Variants in WDR33 observed in about 807,000 individuals in gnomAD.
WDR33 encodes the protein pre-mRNA 3' end processing protein WDR33.
A neutral mutation model predicts 164.9 loss-of-function variants in WDR33; 47 were observed. The observed-to-expected ratio is 0.29, with a 90% confidence interval of 0.23 to 0.36. The LOEUF (loss-of-function observed/expected upper bound fraction) is 0.36, where lower values mean the gene tolerates loss of function less well. Among genes scored for constraint, WDR33 ranks in the 10% least tolerant of loss-of-function variants. The probability of loss-of-function intolerance (pLI) is 1.00; values close to 1 mark genes in which losing one functional copy is unlikely to be tolerated. For missense variants in WDR33, 1,137 were observed against 1,754.1 expected, an observed-to-expected ratio of 0.65 and a Z score of 6.28; for synonymous variants, 505 against 589.0, an observed-to-expected ratio of 0.86 and a Z score of 2.06.
At chr2:127,804,243 C>T (rs1689357134) in intron 1 of WDR33, among the ~76,000 whole-genome samples, 1 of 152,076 alleles carries the variant, frequency 6.6e-6, no homozygotes, top group Non-Finnish European at 1.5e-5. Context: ...ATGGCGTGAA[C>T]CCGGGAGGCG....
intron 4 of WDR33, 25 bp downstream of exon 4, chr2:127,768,164 C>A: frequency 7.0e-7 from 1 of 1,422,138 alleles, no homozygotes; most frequent in South Asian, 1.5e-5. Context: ...TAATTTTCCC[C>A]CAAAATATCC....
intron 7 of WDR33, among the ~76,000 whole-genome samples, chr2:127,747,907 C>T (rs1168069386): frequency 6.6e-6 from 1 of 152,182 alleles, no homozygotes; most frequent in Non-Finnish European, 1.5e-5. Context: ...CTGACATGTA[C>T]AGCTTAAACA....
chr2:127,752,533 T>C (rs1359298239), intron 7 of WDR33, among the ~76,000 whole-genome samples: 3 of 137,904 alleles, frequency 2.2e-5, no homozygotes, highest in African/African-American at 8.4e-5. Context: ...GAGCTTGCAG[T>C]GAGCCGAGAT....
In WDR33 at chr2:127,709,175, C is replaced by T. The variant is rs1686090410; in HGVS notation, c.3566-283G>A. On this transcript the variant is annotated intron_variant, in intron 20 of 21. Transcript: ENST00000322313. The surrounding 1 kb of genome is among the most constrained non-coding windows in gnomAD (Gnocchi z 5.0). Reference sequence around the variant, plus strand: ...GAGATTTTGTTAATGAGAGTTGTAACTGCGAATATTTACCATATTAGCAAT... The same window carrying T: ...GAGATTTTGTTAATGAGAGTTGTAATTGCGAATATTTACCATATTAGCAAT... 6.6e-6 allele frequency among the ~76,000 whole-genome samples: 1 copy of T among 152,200 alleles called. No homozygotes were observed. Among genetic ancestry groups the T allele is most frequent in the South Asian group, 2.1e-4 (1 of 4,834 alleles).
rs141117454 is a variant in WDR33 at position 127,773,833 on chromosome 2, G to A, written c.-23-2829C>T. ...GGCTGGAGTGCAGTGGTGCGATCTC[G>A]GCTCACTGCAATCTCTGCCTCCCAC... On this transcript the variant is annotated intron_variant, in intron 1 of 21. Coordinates refer to ENST00000322313, the MANE Select transcript of WDR33 (RefSeq NM_018383.5). Among the ~76,000 whole-genome samples, 1,101 of 152,078 alleles carry A rather than the reference G, an allele frequency of 7.2e-3. 5 individuals carry two copies. The highest frequency in any genetic ancestry group is 8.8e-3 in the Non-Finnish European group (600 of 67,980).
At chr2:127,756,864 C>T (rs1218355410) in intron 7 of WDR33, among the ~76,000 whole-genome samples, 1 of 151,984 alleles carries the variant, frequency 6.6e-6, no homozygotes, top group Non-Finnish European at 1.5e-5. Context: ...GGCAGATCAC[C>T]TGAGATCAAG....
chr2:127,796,013 T>C (rs989252420), intron 1 of WDR33, among the ~76,000 whole-genome samples: 1 of 151,880 alleles, frequency 6.6e-6, no homozygotes, highest in Non-Finnish European at 1.5e-5. Context: ...GTATACATAA[T>C]AGATTTACCT....
In WDR33 at chr2:127,722,079, A is replaced by G. The variant is rs1218438298; in HGVS notation, c.1519-91T>C. 22 of 1,432,682 alleles carry G rather than the reference A, an allele frequency of 1.5e-5. 1 individual carries two copies. In the East Asian group the frequency reaches 4.5e-4, roughly 29 times the overall value. 88.7% of individuals were successfully genotyped at this position (1,432,682 alleles called of 1,614,324 possible). The stretch of plus-strand genomic sequence containing the variant: ...ACCACTCTACAATGTCATCTGCTCA[A>G]TCTAACCTCTGAACCGATTTTATTT... On this transcript the variant is annotated intron_variant, in intron 14 of 21. Transcript: ENST00000322313. This position sits in a 1 kb window ranked among gnomAD's most constrained non-coding sequence, Gnocchi z 5.1.
Position 127,708,662 on chromosome 2 carries a change from C to A in WDR33, c.3781+15G>T. ...CCTGCATCTCCTGGAACCATAACCACTGGCCTGCTCTTACCTTTGCCTCCT... is the reference window on the plus strand; with the variant it reads ...CCTGCATCTCCTGGAACCATAACCAATGGCCTGCTCTTACCTTTGCCTCCT... On this transcript the variant is annotated intron_variant, in intron 21 of 21. Transcript: ENST00000322313. The surrounding 1 kb of genome is among the most constrained non-coding windows in gnomAD (Gnocchi z 6.7). 6.3e-7 allele frequency: 1 copy of A among 1,574,854 alleles called. No individual in the cohort carries two copies. The highest frequency in any genetic ancestry group is 8.6e-7 in the Non-Finnish European group (1 of 1,159,142).
At chr2:127,806,697 A>C (rs1377223018) in intron 1 of WDR33, among the ~76,000 whole-genome samples, 2 of 149,406 alleles carry the variant, frequency 1.3e-5, no homozygotes, top group Non-Finnish European at 3.0e-5. Context: ...ACTCATTCGA[A>C]AAAAAAAAAA....
rs754021047 is a variant in WDR33 at position 127,705,932 on chromosome 2, G to A, written c.*391C>T. Reference sequence around the variant, plus strand: ...CAACTAGTTTTCTGTCAATTCTTGCGTAAATCACATTCTGTATTCATACAA... The same window carrying A: ...CAACTAGTTTTCTGTCAATTCTTGCATAAATCACATTCTGTATTCATACAA... On this transcript the variant is annotated 3_prime_UTR_variant, in exon 22 of 22. Transcript: ENST00000322313. The surrounding 1 kb of genome is among the most constrained non-coding windows in gnomAD (Gnocchi z 4.5). The A allele has an allele frequency of 2.6e-4, 47 of 181,276 alleles. No individual in the cohort carries two copies. Among genetic ancestry groups the A allele is most frequent in the Admixed American group, 5.6e-4 (9 of 16,086 alleles). The allele number at this position is 181,276 out of a possible 1,614,324, so 11.2% of individuals were successfully genotyped here. A position where few individuals can be genotyped will look rare whatever the true frequency, so the allele number is the denominator to read the frequency against.
chr2:127,764,453 G>A lies in WDR33; in HGVS notation c.626+375C>T. On this transcript the variant is annotated intron_variant, in intron 6 of 21. Coordinates refer to ENST00000322313, the MANE Select transcript of WDR33 (RefSeq NM_018383.5). This position sits in a 1 kb window ranked among gnomAD's most constrained non-coding sequence, Gnocchi z 6.2. The stretch of plus-strand genomic sequence containing the variant: ...CTGAAGTTGTTTTCTGTAGGCTTTA[G>A]ATTTTATTCAGTTGCATAATTAAAG... The A allele has an allele frequency of 6.9e-7, 1 of 1,456,878 alleles. No homozygotes were observed. Among genetic ancestry groups the A allele is most frequent in the Non-Finnish European group, 9.0e-7 (1 of 1,106,942 alleles). 90.2% of individuals were successfully genotyped at this position (1,456,878 alleles called of 1,614,324 possible).
Position 127,719,758 on chromosome 2 carries a change from T to C in WDR33, c.2267A>G (p.His756Arg). Residue 756 changes from histidine to arginine, a missense_variant, in exon 16 of 22, where the codon CAT becomes CGT. His to Arg is a conservative substitution (Grantham distance 29, BLOSUM62 0). This residue lies in a region of WDR33 where 867 missense variants were observed against 1,073.0 expected (regional missense o/e 0.81). Transcript: ENST00000322313. The surrounding 1 kb of genome is among the most constrained non-coding windows in gnomAD (Gnocchi z 6.5). Reference protein sequence around the residue: ...PRGMQGPPHPHGIQGGPGSQG... With the variant: ...PRGMQGPPHPRGIQGGPGSQG... Reference sequence around the variant, plus strand: ...AGACCCTGGTCCGCCTTGGATCCCATGAGGATGAGGAGGCCCTTGCATTCC... The same window carrying C: ...AGACCCTGGTCCGCCTTGGATCCCACGAGGATGAGGAGGCCCTTGCATTCC... 6.2e-7 allele frequency: 1 copy of C among 1,613,888 alleles called. No homozygotes were observed.
Position 127,712,670 on chromosome 2 carries a change from A to T in WDR33, c.3308+913T>A, listed in dbSNP as rs907368930. On this transcript the variant is annotated intron_variant, in intron 18 of 21. Transcript: ENST00000322313. This position sits in a 1 kb window ranked among gnomAD's most constrained non-coding sequence, Gnocchi z 4.0. ...AATTCCTCAATTTAAATGAGGTAAC[A>T]ACATCTGATACAAAATACTCAATTA... Among the ~76,000 whole-genome samples the T allele has an allele frequency of 6.6e-6, 1 of 152,254 alleles. No homozygotes were observed. Among genetic ancestry groups the T allele is most frequent in the African/African-American group, 2.4e-5 (1 of 41,464 alleles).
At chr2:127,765,963 G>T (rs1024101378) in intron 4 of WDR33, among the ~76,000 whole-genome samples, 10 of 152,124 alleles carry the variant, frequency 6.6e-5, no homozygotes, top group Non-Finnish European at 1.5e-4. Context: ...TTCAGGGAAT[G>T]ACTATGCCAA....
rs773059329 is a variant in WDR33, at chr2:127,706,406, C to A, written c.3928G>T (p.Gly1310Cys). ...TTACTCCCTCTACCCCAGTTACTGC[C>A]ACTCCGGCCCCCTCGAGAAGGGGTG... ...SGTPSRGGRS[G>C]SNWGRGSNMN... is the part of the protein sequence containing the mutation. Residue 1310 changes from glycine (G) to cysteine (C), a missense_variant, in exon 22 of 22, where the codon GGC becomes TGC. By Grantham distance (159) the Gly-to-Cys change is radical (BLOSUM62 -3). Coordinates refer to ENST00000322313, the MANE Select transcript of WDR33 (RefSeq NM_018383.5). The surrounding 1 kb of genome is among the most constrained non-coding windows in gnomAD (Gnocchi z 5.1). The A allele has an allele frequency of 6.2e-7, 1 of 1,613,570 alleles. No individual in the cohort carries two copies. Among genetic ancestry groups the A allele is most frequent in the Non-Finnish European group, 8.5e-7 (1 of 1,179,806 alleles).
Position 127,722,016 on chromosome 2 carries a change from T to C in WDR33, c.1519-28A>G. 1 of 1,601,626 alleles carries C rather than the reference T, an allele frequency of 6.2e-7. No individual in the cohort carries two copies. The highest frequency in any genetic ancestry group is 1.4e-5 in the African/African-American group (1 of 73,940). On this transcript the variant is annotated intron_variant, in intron 14 of 21. Transcript: ENST00000322313. This position sits in a 1 kb window ranked among gnomAD's most constrained non-coding sequence, Gnocchi z 5.1. ...TGGGAAAGAAGAGAATATTAAAATG[T>C]ACGCTAAGTATGAAAATTACAATGA...
Position 127,719,476 on chromosome 2 carries a change from T to G in WDR33, c.2549A>C (p.Gln850Pro). 1 of 1,595,080 alleles carries G rather than the reference T, an allele frequency of 6.3e-7. No individual in the cohort carries two copies. Among genetic ancestry groups the G allele is most frequent in the Non-Finnish European group, 8.6e-7 (1 of 1,169,154 alleles). ...TGAGCCTGGAGGCCCTCGCAATTCCTGGGGAGGTCCCAGCATTGATCCTTG... is the reference window on the plus strand; with the variant it reads ...TGAGCCTGGAGGCCCTCGCAATTCCGGGGGAGGTCCCAGCATTGATCCTTG... ...PPQGSMLGPP[Q>P]ELRGPPGSQS... Residue 850 changes from glutamine (Q) to proline (P), a missense_variant, in exon 16 of 22, where the codon CAG (glutamine) becomes CCG (proline). Coordinates refer to ENST00000322313, the MANE Select transcript of WDR33 (RefSeq NM_018383.5). This position sits in a 1 kb window ranked among gnomAD's most constrained non-coding sequence, Gnocchi z 6.5.
chr2:127,788,096 G>A (rs1429456853), intron 1 of WDR33, among the ~76,000 whole-genome samples: 10 of 87,234 alleles, frequency 1.1e-4, no homozygotes, highest in Admixed American at 1.9e-4. Flanking sequence ...CCTCCCGGAC[G>A]GGGCGGCTGG....
Sources: allele counts gnomAD v4.1 joint callset (sites outside exome capture counted in the v4.1 genomes callset), GRCh38; gene constraint gnomAD v4.1.1; regional missense constraint gnomAD v4.1.1; non-coding constraint Gnocchi (gnomAD v3.1); transcripts MANE v1.5; gene names NCBI Gene and HGNC (gene_info 2026-07-23, HGNC 2026-07-21).